The following GULP1 variants were observed in gnomAD, a reference collection of about 807,000 sequenced individuals.
The protein encoded by GULP1 is PTB domain-containing engulfment adapter protein 1.
A neutral mutation model predicts 40.9 loss-of-function variants in GULP1; 19 were observed. That is an observed-to-expected ratio of 0.46 (90% CI 0.32 to 0.68). The LOEUF is 0.68. Ranked by LOEUF, GULP1 falls within the 30% of genes least tolerant of loss-of-function variation. The pLI, the probability that GULP1 is intolerant of heterozygous loss-of-function variation, is 0.03. For synonymous variants in GULP1, 119 were observed against 117.6 expected (o/e 1.01, Z -0.08); for missense variants, 312 against 362.2 (o/e 0.86, Z 1.12).
In GULP1 at chr2:188,324,856, A is replaced by G. The variant is rs976616369; in HGVS notation, c.-172+32690A>G. On this transcript the variant is annotated intron_variant, in intron 1 of 11. Coordinates refer to ENST00000409830, the MANE Select transcript of GULP1 (RefSeq NM_016315.4). Reference sequence around the variant, plus strand: ...CTAAGGAATTAGGAGATGATCTCAAAGGAGAGAAAGACATTATCTACAAAG... The same window carrying G: ...CTAAGGAATTAGGAGATGATCTCAAGGGAGAGAAAGACATTATCTACAAAG... Among the ~76,000 whole-genome samples the G allele has an allele frequency of 3.3e-5, 5 of 152,008 alleles. No homozygotes were observed. In the East Asian group the frequency reaches 9.6e-4, roughly 29 times the overall value.
intron 2 of GULP1, among the ~76,000 whole-genome samples, chr2:188,476,699 T>A (rs1241688540): frequency 6.6e-6 from 1 of 152,168 alleles, no homozygotes; most frequent in Non-Finnish European, 1.5e-5. Flanking sequence ...GCTATCTTAA[T>A]GTCAATTCAT....
intron 1 of GULP1, among the ~76,000 whole-genome samples, chr2:188,322,342 C>CTAG (rs1002677982): frequency 1.1e-4 from 16 of 151,686 alleles, no homozygotes; most frequent in Admixed American, 3.9e-4. Context: ...GCATTGGCTG[C>CTAG]TAGGTGAGGT....
chr2:188,575,357 G>C (rs75041756), intron 9 of GULP1, among the ~76,000 whole-genome samples: 1,664 of 152,248 alleles, frequency 0.011, 38 homozygotes, highest in African/African-American at 0.037. Context: ...AGGCTCTTTG[G>C]TTTTTACAGT....
At chr2:188,457,357 T>C (rs2059350460) in intron 2 of GULP1, among the ~76,000 whole-genome samples, 3 of 152,098 alleles carry the variant, frequency 2.0e-5, no homozygotes. Flanking sequence ...TGGGAGGTGA[T>C]TGAATTATGG....
At chr2:188,552,915 A>G (rs1270804595) in intron 7 of GULP1, among the ~76,000 whole-genome samples, 3 of 150,384 alleles carry the variant, frequency 2.0e-5, no homozygotes, top group Non-Finnish European at 3.0e-5. Flanking sequence ...CTCTCTATAT[A>G]TATACGTATA....
intron 11 of GULP1, 137 bp downstream of exon 11, chr2:188,588,086 A>C (rs1192104389): frequency 1.4e-6 from 1 of 696,228 alleles, no homozygotes; most frequent in African/African-American, 1.8e-5. Flanking sequence ...TTACTTTAAA[A>C]TAATAATGTA....
intron 2 of GULP1, among the ~76,000 whole-genome samples, chr2:188,471,645 A>G (rs1239355696): frequency 6.6e-6 from 1 of 152,226 alleles, no homozygotes; most frequent in Admixed American, 6.6e-5. Context: ...ACTAACAAGC[A>G]AAAATAAATG....
intron 4 of GULP1, among the ~76,000 whole-genome samples, chr2:188,498,415 A>T (rs7424421): frequency 0.89 from 134,845 of 151,864 alleles, 61,158 homozygotes; most frequent in South Asian, 0.99. Flanking sequence ...AGAAATAATT[A>T]AAAAGCCCAA....
At chr2:188,573,272 T>C (rs1699475043) in intron 9 of GULP1, among the ~76,000 whole-genome samples, 1 of 152,186 alleles carries the variant, frequency 6.6e-6, no homozygotes. Flanking sequence ...AACACTTAAG[T>C]ACAGCTTATT....
At chr2:188,517,663 C>G (rs989421660) in intron 4 of GULP1, among the ~76,000 whole-genome samples, 2 of 152,066 alleles carry the variant, frequency 1.3e-5, no homozygotes, top group Non-Finnish European at 2.9e-5. Context: ...GATCAGGTGA[C>G]CCATCTATTT....
chr2:188,541,237 T>C lies in GULP1; in HGVS notation c.318T>C (p.Thr106=). The C allele has an allele frequency of 1.2e-6, 2 of 1,610,676 alleles. No individual in the cohort carries two copies. The highest frequency in any genetic ancestry group is 2.2e-5 in the East Asian group (1 of 44,804). ...TATCTTTTTGTGCAGATGATAAAACTGACAAGAGGATATTCACTTTCATAT... is the reference window on the plus strand; with the variant it reads ...TATCTTTTTGTGCAGATGATAAAACCGACAAGAGGATATTCACTTTCATAT... ...HRISFCADDK[T]DKRIFTFICK... is the part of the protein sequence containing the mutation. Residue 106 remains threonine (T), a synonymous_variant, in exon 7 of 12, where the codon ACT becomes ACC. Coordinates refer to ENST00000409830, the MANE Select transcript of GULP1 (RefSeq NM_016315.4).
intron 2 of GULP1, among the ~76,000 whole-genome samples, chr2:188,453,318 A>AT (rs2058987868): frequency 1.8e-5 from 1 of 56,816 alleles, no homozygotes; most frequent in African/African-American, 1.3e-4. Flanking sequence ...AATGTTTAAA[A>AT]TGTAATGTTA....
At chr2:188,450,213 A>T (rs545077390) in intron 2 of GULP1, among the ~76,000 whole-genome samples, 1 of 152,224 alleles carries the variant, frequency 6.6e-6, no homozygotes, top group Non-Finnish European at 1.5e-5. Context: ...TTTACAGAAC[A>T]TGATGAAAAT....
At chr2:188,383,213 GTT>G (rs1046938247) in intron 1 of GULP1, among the ~76,000 whole-genome samples, 34 of 152,248 alleles carry the variant, frequency 2.2e-4, no homozygotes, top group African/African-American at 7.9e-4. Flanking sequence ...TTTTTGTTTT[GTT>G]TGTTGGAATA....
intron 6 of GULP1, among the ~76,000 whole-genome samples, chr2:188,534,694 G>T (rs1472579408): frequency 6.6e-6 from 1 of 151,854 alleles, no homozygotes; most frequent in East Asian, 1.9e-4. Flanking sequence ...AACAAACAGG[G>T]AAAGGTAGTA....
intron 6 of GULP1, among the ~76,000 whole-genome samples, chr2:188,539,294 A>C (rs1689808448): frequency 6.6e-6 from 1 of 152,134 alleles, no homozygotes; most frequent in African/African-American, 2.4e-5. Context: ...TATCATTAAC[A>C]TGCTTTTACA....
Position 188,296,426 on chromosome 2 carries a change from A to G in GULP1, c.-172+4260A>G, listed in dbSNP as rs796379700. 7.9e-5 allele frequency among the ~76,000 whole-genome samples: 12 copies of G among 152,226 alleles called. 1 individual carries two copies. Among genetic ancestry groups the G allele is most frequent in the African/African-American group, 2.9e-4 (12 of 41,570 alleles). On this transcript the variant is annotated intron_variant, in intron 1 of 11. Transcript: ENST00000409830. ...CCTAAGAAATGTTTTCAGCCACTCT[A>G]ATGATGCTTACCATGCATGATTGTC...
chr2:188,462,345 A>G (rs962732256), intron 2 of GULP1, among the ~76,000 whole-genome samples: 1 of 152,178 alleles, frequency 6.6e-6, no homozygotes, highest in African/African-American at 2.4e-5. Context: ...GACCTAACAT[A>G]TGGTCTATCC....
At chr2:188,311,479 A>T (rs1370494149) in intron 1 of GULP1, among the ~76,000 whole-genome samples, 2 of 152,136 alleles carry the variant, frequency 1.3e-5, no homozygotes, top group African/African-American at 2.4e-5. Context: ...TATAGGCGTG[A>T]GCCACCATGC....
Sources: gnomAD v4.1 joint callset for allele counts (sites outside exome capture counted in the v4.1 genomes callset) on GRCh38, gnomAD v4.1.1 for gene constraint, MANE v1.5 for transcripts, NCBI Gene and HGNC (gene_info 2026-07-23, HGNC 2026-07-21) for gene names.